THSD7B: variants seen among roughly 807,000 people sequenced by gnomAD.
The protein encoded by THSD7B is thrombospondin type-1 domain-containing protein 7B.
In THSD7B, 138 loss-of-function variants were observed where a neutral mutation model predicts 213.6. The observed-to-expected ratio is 0.65, with a 90% confidence interval of 0.56 to 0.74. The LOEUF is 0.74. Ranked by LOEUF, THSD7B falls within the 30% of genes least tolerant of loss-of-function variation. The pLI is 0.00. For synonymous variants in THSD7B, 742 were observed against 687.0 expected (o/e 1.08, Z -1.25); for missense variants, 1,931 against 1,991.5 (o/e 0.97, Z 0.58).
rs34578587 is a variant in THSD7B, at chr2:137,023,921, G to GTT, written c.140-32488_140-32487dup. Among the ~76,000 whole-genome samples, 323 of 147,492 alleles carry GTT rather than the reference G, an allele frequency of 2.2e-3. 2 individuals carry two copies. The highest frequency in any genetic ancestry group is 4.1e-3 in the African/African-American group (165 of 40,500). ...CAAGACATTTCTCTTCGTCCTTCTA[G>GTT]TTTTTTTTTTTTCCTTCTTCTTTTA... is the stretch of plus-strand genomic sequence containing the variant. On this transcript the variant is annotated intron_variant, in intron 2 of 27. Coordinates refer to ENST00000409968, the MANE Select transcript of THSD7B (RefSeq NM_001316349.2).
At chr2:137,327,897 G>A (rs898037990) in intron 12 of THSD7B, among the ~76,000 whole-genome samples, 2 of 152,142 alleles carry the variant, frequency 1.3e-5, no homozygotes, top group African/African-American at 4.8e-5. Context: ...GAGCCTCTTT[G>A]TGAAAGGTAT....
intron 1 of THSD7B, among the ~76,000 whole-genome samples, chr2:136,879,137 C>A (rs1683573832): frequency 6.6e-6 from 1 of 152,166 alleles, no homozygotes; most frequent in African/African-American, 2.4e-5. Flanking sequence ...CTACATATGG[C>A]TAGCCAGTTT....
chr2:137,437,100 A>T lies in THSD7B; in HGVS notation c.2960-13745A>T, dbSNP rs1030961444. 5.9e-5 allele frequency among the ~76,000 whole-genome samples: 9 copies of T among 152,070 alleles called. No individual in the cohort carries two copies. The Admixed American group carries it at 5.9e-4, about 10-fold the overall frequency. ...GAATAACACTTGAAGATTTTATCTC[A>T]TCTTTTTTCCCAGATCATCTTTTGA... On this transcript the variant is annotated intron_variant, in intron 14 of 27. Transcript: ENST00000409968.
intron 1 of THSD7B, among the ~76,000 whole-genome samples, chr2:136,813,167 C>G (rs1033781563): frequency 6.6e-6 from 1 of 152,134 alleles, no homozygotes; most frequent in Non-Finnish European, 1.5e-5. Context: ...CTTTTTGCTT[C>G]TTTTTGATGA....
intron 2 of THSD7B, among the ~76,000 whole-genome samples, chr2:137,030,701 T>C (rs1230248468): frequency 6.6e-6 from 1 of 152,100 alleles, no homozygotes; most frequent in South Asian, 2.1e-4. Flanking sequence ...TGTTCTCACT[T>C]GGAAGTGGCA....
At chr2:137,340,818 T>A (rs1408044165) in intron 12 of THSD7B, among the ~76,000 whole-genome samples, 1 of 151,764 alleles carries the variant, frequency 6.6e-6, no homozygotes, top group Non-Finnish European at 1.5e-5. Context: ...TCTGTATCCA[T>A]TCATCTTCTG....
At chr2:137,397,348 A>C (rs1230639448) in intron 12 of THSD7B, among the ~76,000 whole-genome samples, 2 of 151,990 alleles carry the variant, frequency 1.3e-5, no homozygotes, top group Non-Finnish European at 2.9e-5. Flanking sequence ...GAGCTCTTTT[A>C]GGGCAGGCCT....
At chr2:137,127,561 A>C (rs1558930763) in intron 5 of THSD7B, among the ~76,000 whole-genome samples, 1 of 152,190 alleles carries the variant, frequency 6.6e-6, no homozygotes, top group East Asian at 1.9e-4. Context: ...CTGGTGGGCT[A>C]CCTGATTTGG....
At position 137,009,598 on chromosome 2, in the gene THSD7B, C is replaced by T. The variant is rs564350672; in HGVS notation, c.140-46822C>T. 3.3e-5 allele frequency among the ~76,000 whole-genome samples: 5 copies of T among 152,186 alleles called. No individual in the cohort carries two copies. In the South Asian group the frequency reaches 6.2e-4, roughly 19 times the overall value. Reference sequence around the variant, plus strand: ...TAATCATGATGGAAGGGGAAAGGTGCGTCTTACATGGTGCCAGACAAGAGA... The same window carrying T: ...TAATCATGATGGAAGGGGAAAGGTGTGTCTTACATGGTGCCAGACAAGAGA... On this transcript the variant is annotated intron_variant, in intron 2 of 27. Transcript: ENST00000409968.
chr2:137,176,479 A>G (rs1292041720), intron 7 of THSD7B, among the ~76,000 whole-genome samples: 2 of 152,204 alleles, frequency 1.3e-5, no homozygotes, highest in African/African-American at 2.4e-5. Flanking sequence ...GTTTGGAAGA[A>G]TCGAAGAATG....
chr2:137,300,909 A>G (rs1322618941), intron 12 of THSD7B, among the ~76,000 whole-genome samples: 1 of 152,092 alleles, frequency 6.6e-6, no homozygotes. Flanking sequence ...CATCGGGGTC[A>G]TGTGGGGAAA....
chr2:137,492,180 T>C (rs1679426183), intron 15 of THSD7B, among the ~76,000 whole-genome samples: 1 of 152,240 alleles, frequency 6.6e-6, no homozygotes, highest in African/African-American at 2.4e-5. Flanking sequence ...TCCATTTGCC[T>C]ACTTTCTGAA....
chr2:137,453,355 A>T (rs765263146), intron 15 of THSD7B, among the ~76,000 whole-genome samples: 8 of 110,646 alleles, frequency 7.2e-5, no homozygotes, highest in Non-Finnish European at 1.4e-4. Context: ...TTTGAGACAG[A>T]GTCTCACTCT....
chr2:137,333,775 AT>A (rs1684571069), intron 12 of THSD7B, among the ~76,000 whole-genome samples: 1 of 152,088 alleles, frequency 6.6e-6, no homozygotes, highest in Non-Finnish European at 1.5e-5. Flanking sequence ...ACCTTCTGTT[AT>A]TTTTAGTCCT....
chr2:137,011,878 TG>T (rs1686236585), intron 2 of THSD7B, among the ~76,000 whole-genome samples: 2 of 152,316 alleles, frequency 1.3e-5, no homozygotes, highest in Admixed American at 6.5e-5. Flanking sequence ...AATCCATCAT[TG>T]TTTGTTAAAA....
intron 1 of THSD7B, among the ~76,000 whole-genome samples, chr2:136,803,963 A>T (rs1354085740): frequency 6.6e-6 from 1 of 152,218 alleles, no homozygotes; most frequent in African/African-American, 2.4e-5. Flanking sequence ...ACAATGGTGA[A>T]GCCCATCTAC....
chr2:137,458,994 T>A (rs894313819), intron 15 of THSD7B, among the ~76,000 whole-genome samples: 3 of 152,114 alleles, frequency 2.0e-5, no homozygotes, highest in African/African-American at 7.2e-5. Flanking sequence ...TCAAACTAGA[T>A]CCTGTCCAGA....
intron 1 of THSD7B, among the ~76,000 whole-genome samples, chr2:136,807,514 T>TTTTTTTTTTG (rs1682304517): frequency 7.2e-6 from 1 of 139,274 alleles, no homozygotes; most frequent in Admixed American, 7.1e-5. Flanking sequence ...GTTTCGTTTT[T>TTTTTTTTTTG]TTTTTTTTTT....
chr2:136,957,081 C>T (rs1366642575), intron 2 of THSD7B, among the ~76,000 whole-genome samples: 3 of 152,118 alleles, frequency 2.0e-5, no homozygotes, highest in Non-Finnish European at 2.9e-5. Flanking sequence ...TTTCCACTGC[C>T]TTTTTCAGAT....
Sources: gnomAD v4.1 joint callset for allele counts (sites outside exome capture counted in the v4.1 genomes callset) on GRCh38, gnomAD v4.1.1 for gene constraint, MANE v1.5 for transcripts, NCBI Gene and HGNC (gene_info 2026-07-23, HGNC 2026-07-21) for gene names.